ANK1: variants seen among roughly 807,000 people sequenced by gnomAD.
ANK1 encodes the protein ankyrin-1.
A neutral mutation model predicts 210.4 loss-of-function variants in ANK1; 51 were observed. The ratio of observed to expected loss-of-function variants is 0.24; its 90% CI spans 0.19 to 0.31. The LOEUF is 0.31. ANK1 is among the 10% of genes least tolerant of loss of function. The probability of loss-of-function intolerance (pLI) is 1.00; values close to 1 mark genes in which losing one functional copy is unlikely to be tolerated. For synonymous variants in ANK1, 967 were observed against 1,025.9 expected (o/e 0.94, Z 1.10); for missense variants, 2,051 against 2,504.4 (o/e 0.82, Z 3.86).
rs183575310 is a variant in ANK1 at position 41,742,282 on chromosome 8, G to A, written c.130-8213C>T. 2.1e-3 allele frequency among the ~76,000 whole-genome samples: 318 copies of A among 152,302 alleles called. 3 individuals carry two copies. The highest frequency in any genetic ancestry group is 6.8e-3 in the Middle Eastern group (2 of 294). On this transcript the variant is annotated intron_variant, in intron 2 of 42. Coordinates refer to ENST00000289734, the MANE Select transcript of ANK1 (RefSeq NM_000037.4). The stretch of plus-strand genomic sequence containing the variant: ...CCAAATGTATGAATACAGGAGACAC[G>A]GGGAATTTAACTCTTCCTGTCAAGA...
intron 2 of ANK1, among the ~76,000 whole-genome samples, chr8:41,745,044 G>A (rs1353386685): frequency 6.6e-6 from 1 of 151,026 alleles, no homozygotes; most frequent in Non-Finnish European, 1.5e-5. Context: ...CTGAACCAGA[G>A]AAAGAGAGAC....
intron 16 of ANK1, among the ~76,000 whole-genome samples, chr8:41,711,478 C>T (rs1228598049): frequency 1.3e-5 from 2 of 152,174 alleles, no homozygotes; most frequent in Non-Finnish European, 2.9e-5. Flanking sequence ...TGTGACAAGA[C>T]ACCAAATTAT....
chr8:41,868,495 G>C (rs1814894843), intron 1 of ANK1, among the ~76,000 whole-genome samples: 1 of 152,166 alleles, frequency 6.6e-6, no homozygotes, highest in South Asian at 2.1e-4. Context: ...AAAGTCCAAG[G>C]CCTAAATGCA....
chr8:41,735,935 C>A (rs1381020566), intron 2 of ANK1, among the ~76,000 whole-genome samples: 1 of 133,468 alleles, frequency 7.5e-6, no homozygotes, highest in East Asian at 2.2e-4. Context: ...ATCAGCACAG[C>A]CAGCCTTGCC....
chr8:41,718,039 C>A, intron 11 of ANK1, 67 bp downstream of exon 11: 1 of 1,492,650 alleles, frequency 6.7e-7, no homozygotes, highest in Non-Finnish European at 9.3e-7. Context: ...CAAAGAGCGA[C>A]TCTTGGAGAA....
At chr8:41,733,408 C>T (rs937147275) in intron 3 of ANK1, among the ~76,000 whole-genome samples, 1 of 152,198 alleles carries the variant, frequency 6.6e-6, no homozygotes, top group Non-Finnish European at 1.5e-5. Context: ...TGATTCCTTA[C>T]TACAGGAATC....
intron 1 of ANK1, among the ~76,000 whole-genome samples, chr8:41,854,521 T>C (rs187237143): frequency 3.2e-4 from 49 of 152,304 alleles, no homozygotes; most frequent in African/African-American, 8.7e-4. Flanking sequence ...CTTTCTGTAC[T>C]GGGCCCTCAC....
chr8:41,732,594 G>A (rs1040609591), intron 3 of ANK1, among the ~76,000 whole-genome samples: 10 of 152,002 alleles, frequency 6.6e-5, no homozygotes, highest in Non-Finnish European at 1.2e-4. Context: ...TGTATGTTTA[G>A]TAAAGATGGG....
intron 42 of ANK1, among the ~76,000 whole-genome samples, chr8:41,658,174 A>T (rs1806441993): frequency 6.6e-6 from 1 of 152,130 alleles, no homozygotes; most frequent in Non-Finnish European, 1.5e-5. Flanking sequence ...CCGGCCCTAG[A>T]CAGCCCTTTC....
chr8:41,695,219 C>T lies in ANK1; in HGVS notation c.3073G>A (p.Gly1025Arg). 6.2e-6 allele frequency: 10 copies of T among 1,614,196 alleles called. No individual in the cohort carries two copies. Among genetic ancestry groups the T allele is most frequent in the Non-Finnish European group, 7.6e-6 (9 of 1,180,042 alleles). The part of the protein sequence containing the change: ...SVWKEHRSRY[G>R]ESYLDQILNG... ...AGGATCTGATCCAGGTAGCTCTCTC[C>T]ATAGCGGCTCCTGTGCTCCTTCCAC... The change falls in exon 27 of 43, where the codon GGA (glycine) becomes AGA (arginine). Residue 1025 changes from glycine (G) to arginine (R), a missense_variant. Physicochemically the swap from Gly to Arg is moderately radical, Grantham distance 125 (BLOSUM62 -2). Transcript: ENST00000289734.
chr8:41,861,878 C>T (rs1394793713), intron 1 of ANK1, among the ~76,000 whole-genome samples: 2 of 152,208 alleles, frequency 1.3e-5, no homozygotes, highest in Non-Finnish European at 2.9e-5. Context: ...TTAGAAAACA[C>T]ACTCAGCCAC....
chr8:41,706,298 G>A (rs1713480046), intron 17 of ANK1, 57 bp from the exon 18 acceptor site: 2 of 1,504,804 alleles, frequency 1.3e-6, no homozygotes, highest in South Asian at 1.2e-5. Context: ...CAGGCCACAA[G>A]TAAAGAGCTC....
At chr8:41,687,087 C>T (rs888790964) in intron 35 of ANK1, among the ~76,000 whole-genome samples, 4 of 152,142 alleles carry the variant, frequency 2.6e-5, no homozygotes, top group African/African-American at 7.2e-5. Context: ...TGTCACACGG[C>T]CTTTCCACAA....
intron 1 of ANK1, among the ~76,000 whole-genome samples, chr8:41,835,727 T>C (rs2150800856): frequency 6.6e-6 from 1 of 152,372 alleles, no homozygotes; most frequent in Non-Finnish European, 1.5e-5. Context: ...GAAGAATAGA[T>C]GCAACCTAGA....
intron 1 of ANK1, among the ~76,000 whole-genome samples, chr8:41,859,171 A>G (rs1812779307): frequency 1.3e-5 from 2 of 152,204 alleles, no homozygotes; most frequent in Admixed American, 1.3e-4. Flanking sequence ...CAGGAAACCT[A>G]GGACAGGAGA....
chr8:41,769,818 T>C (rs1485930619), intron 1 of ANK1, among the ~76,000 whole-genome samples: 1 of 152,124 alleles, frequency 6.6e-6, no homozygotes. Context: ...GTATGATCTG[T>C]CTTAATTCAG....
At chr8:41,734,247 C>A (rs2304868) in intron 2 of ANK1, among the ~76,000 whole-genome samples, 178 bp from the exon 3 acceptor site, 1 of 152,154 alleles carries the variant, frequency 6.6e-6, no homozygotes, top group Non-Finnish European at 1.5e-5. Flanking sequence ...CTCCCCTTCA[C>A]GCCTCAGGTC....
intron 1 of ANK1, among the ~76,000 whole-genome samples, chr8:41,758,386 A>G (rs1346679128): frequency 6.6e-6 from 1 of 152,186 alleles, no homozygotes; most frequent in African/African-American, 2.4e-5. Flanking sequence ...TCTGCCACTC[A>G]GGCTGCTGGA....
chr8:41,702,540 T>C (rs1213067299), intron 20 of ANK1, among the ~76,000 whole-genome samples: 1 of 152,212 alleles, frequency 6.6e-6, no homozygotes, highest in Non-Finnish European at 1.5e-5. Context: ...GCTCCCAAAG[T>C]CTGTTCTTGG....
Sources: gnomAD v4.1 joint callset for allele counts (sites outside exome capture counted in the v4.1 genomes callset) on GRCh38, gnomAD v4.1.1 for gene constraint, MANE v1.5 for transcripts, NCBI Gene and HGNC (gene_info 2026-07-23, HGNC 2026-07-21) for gene names.